PLCB1: variants seen among roughly 807,000 people sequenced by gnomAD.
The protein encoded by PLCB1 is phospholipase C beta 1.
PLCB1 carries 46 observed loss-of-function variants against 161.8 expected under a neutral mutation model. That is an observed-to-expected ratio of 0.28 (90% CI 0.22 to 0.36). The LOEUF (loss-of-function observed/expected upper bound fraction) is 0.36. Among genes scored for constraint, PLCB1 ranks in the 10% least tolerant of loss-of-function variants. The pLI is 1.00. For synonymous variants in PLCB1, 517 were observed against 503.7 expected, an observed-to-expected ratio of 1.03 and a Z score of -0.35; for missense variants, 1,016 against 1,472.5, an observed-to-expected ratio of 0.69 and a Z score of 5.07.
At chr20:8,859,557 G>A (rs1373948719) in intron 31 of PLCB1, among the ~76,000 whole-genome samples, 1 of 152,116 alleles carries the variant, frequency 6.6e-6, no homozygotes, top group Non-Finnish European at 1.5e-5. Flanking sequence ...ATCATGGTTA[G>A]CTTTTGAAAA....
At chr20:8,143,490 C>G (rs1180944593) in intron 1 of PLCB1, among the ~76,000 whole-genome samples, 1 of 152,196 alleles carries the variant, frequency 6.6e-6, no homozygotes, top group Non-Finnish European at 1.5e-5. Flanking sequence ...TTAATGATTT[C>G]ATGCCTGCCC....
At chr20:8,525,271 G>A (rs1984537092) in intron 3 of PLCB1, among the ~76,000 whole-genome samples, 1 of 151,344 alleles carries the variant, frequency 6.6e-6, no homozygotes, top group Admixed American at 6.6e-5. Flanking sequence ...AAAAAAAGGA[G>A]CTAATTGCAG....
At chr20:8,743,457 G>A (rs2179478) in intron 23 of PLCB1, among the ~76,000 whole-genome samples, 69,753 of 151,998 alleles carry the variant, frequency 0.46, 16,272 homozygotes, top group East Asian at 0.67. Flanking sequence ...GGCAACTTCT[G>A]TGTTGCAATT....
chr20:8,322,462 T>G (rs1047687197), intron 2 of PLCB1, among the ~76,000 whole-genome samples: 5 of 151,920 alleles, frequency 3.3e-5, no homozygotes, highest in African/African-American at 1.2e-4. Context: ...AGGAGTAAAG[T>G]GTAAAATTTT....
intron 15 of PLCB1, among the ~76,000 whole-genome samples, chr20:8,723,544 ATG>A (rs1979764244): frequency 6.6e-6 from 1 of 152,216 alleles, no homozygotes; most frequent in Non-Finnish European, 1.5e-5. Flanking sequence ...TCAAAGTAAT[ATG>A]TCATAGCTAA....
intron 3 of PLCB1, among the ~76,000 whole-genome samples, chr20:8,594,675 T>G (rs899119115): frequency 6.6e-6 from 1 of 151,966 alleles, no homozygotes; most frequent in Non-Finnish European, 1.5e-5. Context: ...TTAGTATATC[T>G]TTGAGGAAAC....
chr20:8,498,758 A>G (rs918068181), intron 3 of PLCB1, among the ~76,000 whole-genome samples: 1 of 152,202 alleles, frequency 6.6e-6, no homozygotes, highest in African/African-American at 2.4e-5. Flanking sequence ...AATTTGGGGT[A>G]GGCCCAGCTA....
chr20:8,236,002 G>T (rs1487406809), intron 2 of PLCB1, among the ~76,000 whole-genome samples: 1 of 152,096 alleles, frequency 6.6e-6, no homozygotes, highest in African/African-American at 2.4e-5. Flanking sequence ...AAAGATACAT[G>T]TTCTTTCCAA....
chr20:8,408,515 T>TA (rs917984444), intron 3 of PLCB1, among the ~76,000 whole-genome samples: 57 of 148,424 alleles, frequency 3.8e-4, no homozygotes, highest in African/African-American at 6.6e-4. Flanking sequence ...AAGTTTTTTT[T>TA]AAAAAAAAAA....
chr20:8,522,414 TCTC>T (rs1351641728), intron 3 of PLCB1, among the ~76,000 whole-genome samples: 1 of 152,092 alleles, frequency 6.6e-6, no homozygotes, highest in African/African-American at 2.4e-5. Flanking sequence ...CAATTTATCT[TCTC>T]CTGGAGTCCA....
At chr20:8,851,114 C>G (rs1417923486) in intron 31 of PLCB1, among the ~76,000 whole-genome samples, 3 of 152,184 alleles carry the variant, frequency 2.0e-5, no homozygotes, top group African/African-American at 7.2e-5. Context: ...TATTCAAAGA[C>G]CTGGCTCACT....
chr20:8,614,330 T>TTA lies in PLCB1; in HGVS notation c.247-13951_247-13950dup, dbSNP rs150447249. On this transcript the variant is annotated intron_variant, in intron 3 of 31. Transcript: ENST00000338037. ...AGTAAATTATCATTCAAGTATTCAATTATATATATATATACACACACATAT... is the reference window on the plus strand; with the variant it reads ...AGTAAATTATCATTCAAGTATTCAATTATATATATATATATACACACACATAT... Among the ~76,000 whole-genome samples the TTA allele has an allele frequency of 8.1e-3, 1,214 of 149,934 alleles. 19 individuals are homozygous for TTA. Among genetic ancestry groups the TTA allele is most frequent in the African/African-American group, 0.027 (1,108 of 40,654 alleles).
rs531604158 is a variant in PLCB1 at position 8,626,572 on chromosome 20, C to G, written c.247-1722C>G. On this transcript the variant is annotated intron_variant, in intron 3 of 31. Coordinates refer to ENST00000338037, the MANE Select transcript of PLCB1 (RefSeq NM_015192.4). ...GCCGGAGAATGAGTTGTGTGGCTAT[C>G]ACTGGAAGGAAAGAAAGGGTCCAAT... Among the ~76,000 whole-genome samples the G allele has an allele frequency of 2.1e-3, 313 of 152,270 alleles. 1 individual carries two copies. The highest frequency in any genetic ancestry group is 7.2e-3 in the African/African-American group (298 of 41,536).
chr20:8,618,764 G>T lies in PLCB1; in HGVS notation c.247-9530G>T, dbSNP rs373176498. ...ACACACACAAAGGCATATTGAAGACGGGGCTTATTTAAATGCAACTAGTTA... is the reference window on the plus strand; with the variant it reads ...ACACACACAAAGGCATATTGAAGACTGGGCTTATTTAAATGCAACTAGTTA... On this transcript the variant is annotated intron_variant, in intron 3 of 31. Transcript: ENST00000338037. 2.6e-5 allele frequency among the ~76,000 whole-genome samples: 4 copies of T among 152,022 alleles called. No homozygotes were observed. The South Asian group carries it at 6.2e-4, about 24-fold the overall frequency.
intron 3 of PLCB1, among the ~76,000 whole-genome samples, chr20:8,545,307 T>C (rs1985495414): frequency 6.6e-6 from 1 of 152,188 alleles, no homozygotes; most frequent in African/African-American, 2.4e-5. Context: ...ACTAGTGTGA[T>C]ATGGAAGAGG....
intron 9 of PLCB1, among the ~76,000 whole-genome samples, chr20:8,684,065 T>C (rs920075733): frequency 4.6e-5 from 7 of 151,544 alleles, no homozygotes; most frequent in African/African-American, 1.7e-4. Context: ...TCTGTATTTT[T>C]AGTAGAGACG....
At chr20:8,191,019 G>A (rs899699766) in intron 2 of PLCB1, among the ~76,000 whole-genome samples, 3 of 152,018 alleles carry the variant, frequency 2.0e-5, no homozygotes, top group Non-Finnish European at 4.4e-5. Context: ...AAATAAATCC[G>A]AGTTATGATA....
Position 8,523,490 on chromosome 20 carries a change from CTCT to C in PLCB1, c.247-104803_247-104801del, listed in dbSNP as rs1463113376. The stretch of plus-strand genomic sequence containing the variant: ...GCTCTCTCTCTCTCTCTCTCTCTCT[CTCT>C]CTCTATATATATATATATATATATA... On this transcript the variant is annotated intron_variant, in intron 3 of 31. Transcript: ENST00000338037. Among the ~76,000 whole-genome samples the C allele has an allele frequency of 1.0e-3, 71 of 67,678 alleles. 11 individuals are homozygous for C. The highest frequency in any genetic ancestry group is 2.7e-3 in the African/African-American group (42 of 15,440). 44.4% of individuals were successfully genotyped at this position (67,678 alleles called of 152,430 possible). A position where few individuals can be genotyped will look rare whatever the true frequency, so the allele number is the denominator to read the frequency against.
chr20:8,342,700 C>T (rs1230426478), intron 2 of PLCB1, among the ~76,000 whole-genome samples: 1 of 152,222 alleles, frequency 6.6e-6, no homozygotes, highest in Non-Finnish European at 1.5e-5. Context: ...CAGCAAATCC[C>T]ATCTCTGCCT....
Sources: allele counts gnomAD v4.1 joint callset (sites outside exome capture counted in the v4.1 genomes callset), GRCh38; gene constraint gnomAD v4.1.1; transcripts MANE v1.5; gene names NCBI Gene and HGNC (gene_info 2026-07-23, HGNC 2026-07-21).